SENP6: variants seen among roughly 807,000 people sequenced by gnomAD.
The protein encoded by SENP6 is sentrin-specific protease 6.
SENP6 carries 41 observed loss-of-function variants against 134.5 expected under a neutral mutation model. The ratio of observed to expected loss-of-function variants is 0.30; its 90% CI spans 0.24 to 0.40. The LOEUF (loss-of-function observed/expected upper bound fraction) is 0.40, where lower values mean the gene tolerates loss of function less well. Ranked by LOEUF, SENP6 falls within the 10% of genes least tolerant of loss-of-function variation. The pLI, the probability that SENP6 is intolerant of heterozygous loss-of-function variation, is 1.00. For missense variants in SENP6, 1,248 were observed against 1,312.5 expected, an observed-to-expected ratio of 0.95 and a Z score of 0.76; for synonymous variants, 395 against 429.8, an observed-to-expected ratio of 0.92 and a Z score of 1.00.
At chr6:75,639,582 A>G (rs1324794227) in intron 5 of SENP6, among the ~76,000 whole-genome samples, 1 of 152,082 alleles carries the variant, frequency 6.6e-6, no homozygotes, top group African/African-American at 2.4e-5. Context: ...TCCTTTTATA[A>G]TAAGGATAAA....
intron 9 of SENP6, among the ~76,000 whole-genome samples, chr6:75,664,227 T>TATA (rs1772013117): frequency 6.6e-6 from 1 of 151,486 alleles, no homozygotes; most frequent in South Asian, 2.1e-4. Flanking sequence ...GGAGTTGAAG[T>TATA]GTAGCCAGGG....
At chr6:75,673,319 CTTTTTTTT>C (rs373435139) in intron 11 of SENP6, among the ~76,000 whole-genome samples, 1 of 116,956 alleles carries the variant, frequency 8.6e-6, no homozygotes. Context: ...CCAATGTCTA[CTTTTTTTT>C]TTTTTTTTTT....
At chr6:75,666,156 TATGATATATATATAAAACGTATATATG>T (rs889008008) in intron 9 of SENP6, among the ~76,000 whole-genome samples, 3 of 143,276 alleles carry the variant, frequency 2.1e-5, no homozygotes, top group Admixed American at 7.5e-5. Flanking sequence ...ATAAAACATA[TATGATATATATATAAAACGTATATATG>T]ATATATATAA....
At chr6:75,669,870 C>G (rs530142236) in intron 10 of SENP6, among the ~76,000 whole-genome samples, 1 of 152,234 alleles carries the variant, frequency 6.6e-6, no homozygotes, top group South Asian at 2.1e-4. Context: ...AGTGGGTACT[C>G]TTACTCTGCA....
At chr6:75,686,700 C>T (rs911692814) in intron 16 of SENP6, among the ~76,000 whole-genome samples, 1 of 152,164 alleles carries the variant, frequency 6.6e-6, no homozygotes, top group African/African-American at 2.4e-5. Flanking sequence ...AAAATTCTTT[C>T]CTTTAAGAAT....
intron 6 of SENP6, among the ~76,000 whole-genome samples, chr6:75,645,790 TA>T (rs1770390705): frequency 6.6e-6 from 1 of 152,204 alleles, no homozygotes; most frequent in Admixed American, 6.5e-5. Context: ...TTATAATTTT[TA>T]AAAAACAGAA....
At position 75,670,563 on chromosome 6, in the gene SENP6, C is replaced by T; in HGVS notation, c.1235C>T (p.Ser412Phe). 3.8e-6 allele frequency: 6 copies of T among 1,599,468 alleles called. No individual in the cohort carries two copies. Among genetic ancestry groups the T allele is most frequent in the Non-Finnish European group, 4.3e-6 (5 of 1,173,024 alleles). Residue 412 changes from serine (S) to phenylalanine (F), a missense_variant, in exon 11 of 24, where the codon TCT becomes TTT. Transcript: ENST00000447266. The stretch of plus-strand genomic sequence containing the variant: ...TCTTTTCCTTTTTAGTTTGGCAATT[C>T]TATTATCAACACACCTCTGAAACGT... ...KARMKDQFGN[S>F]IINTPLKRRK...
At chr6:75,702,509 C>T (rs1192278103) in intron 18 of SENP6, 136 bp from the exon 19 acceptor site, 16 of 816,696 alleles carry the variant, frequency 2.0e-5, no homozygotes, top group Middle Eastern at 3.8e-4. Context: ...TGAGCTACTG[C>T]GCCCGGCCAG....
At chr6:75,627,747 C>T (rs1300896489) in intron 3 of SENP6, among the ~76,000 whole-genome samples, 2 of 152,146 alleles carry the variant, frequency 1.3e-5, no homozygotes, top group East Asian at 3.9e-4. Flanking sequence ...GTGATCTCAG[C>T]TCACTGCAAC....
intron 3 of SENP6, among the ~76,000 whole-genome samples, chr6:75,632,669 T>G (rs1336480246): frequency 6.7e-6 from 1 of 150,106 alleles, no homozygotes; most frequent in African/African-American, 2.4e-5. Context: ...CTCTTGATGC[T>G]GTGCTTGCAT....
intron 19 of SENP6, among the ~76,000 whole-genome samples, chr6:75,703,774 C>A (rs1404052477): frequency 1.3e-5 from 2 of 151,858 alleles, no homozygotes; most frequent in Non-Finnish European, 2.9e-5. Context: ...AATTAAAAAA[C>A]AAAAAAATTG....
chr6:75,706,022 C>A (rs1775387347), intron 19 of SENP6, among the ~76,000 whole-genome samples: 1 of 145,656 alleles, frequency 6.9e-6, no homozygotes, highest in East Asian at 2.0e-4. Flanking sequence ...CTGCAACCTC[C>A]CCCTCCTGGG....
At position 75,634,690 on chromosome 6, in the gene SENP6, G is replaced by A. The variant is rs557969144; in HGVS notation, c.354-17G>A. Reference sequence around the variant, plus strand: ...TTTTTCCGTGTTCAAGTTATTTTTTGTTTCTTGAATCTGCAGTGAAAATAC... The same window carrying A: ...TTTTTCCGTGTTCAAGTTATTTTTTATTTCTTGAATCTGCAGTGAAAATAC... On this transcript the variant is annotated splice_polypyrimidine_tract_variant and intron_variant, in intron 4 of 23. Transcript: ENST00000447266. 2.1e-6 allele frequency: 3 copies of A among 1,412,498 alleles called. No homozygotes were observed. The highest frequency in any genetic ancestry group is 2.9e-5 in the African/African-American group (2 of 69,304). 87.5% of individuals were successfully genotyped at this position (1,412,498 alleles called of 1,614,324 possible).
At chr6:75,659,490 A>T (rs778232014) in intron 8 of SENP6, 83 bp downstream of exon 8, 34 of 1,281,108 alleles carry the variant, frequency 2.7e-5, no homozygotes, top group Non-Finnish European at 3.7e-5. Flanking sequence ...ATTCTAGGTG[A>T]TCTTTTATCA....
chr6:75,676,892 G>A (rs531772227), intron 13 of SENP6, 138 bp from the exon 14 acceptor site: 2 of 585,292 alleles, frequency 3.4e-6, no homozygotes, highest in Non-Finnish European at 6.0e-6. Flanking sequence ...TGTATCCACT[G>A]TATGTCAGAC....
At chr6:75,712,145 C>T (rs1775787093) in intron 21 of SENP6, among the ~76,000 whole-genome samples, 1 of 152,148 alleles carries the variant, frequency 6.6e-6, no homozygotes, top group Non-Finnish European at 1.5e-5. Context: ...CAACTGAGAA[C>T]TCCAAATAAG....
chr6:75,647,755 A>G lies in SENP6; in HGVS notation c.504A>G (p.Gln168=), dbSNP rs1050537725. 20 of 1,612,556 alleles carry G rather than the reference A, an allele frequency of 1.2e-5. No homozygotes were observed. The African/African-American group carries it at 1.9e-4, about 15-fold the overall frequency. Residue 168 remains glutamine, a synonymous_variant, in exon 7 of 24, where the codon CAA becomes CAG. Coordinates refer to ENST00000447266, the MANE Select transcript of SENP6 (RefSeq NM_015571.4). ...GGAAAGAATACCCACCTCATGTCCAAAAAGTTGAAATTAATCCTGTAAGGT... is the reference window on the plus strand; with the variant it reads ...GGAAAGAATACCCACCTCATGTCCAGAAAGTTGAAATTAATCCTGTAAGGT... ...KERKEYPPHV[Q]KVEINPVRLS...
chr6:75,670,797 T>G (rs1772614913), intron 11 of SENP6, 77 bp downstream of exon 11: 5 of 702,556 alleles, frequency 7.1e-6, no homozygotes, highest in Non-Finnish European at 7.8e-6. Flanking sequence ...ATATAATATT[T>G]AAAATTTATA....
chr6:75,709,549 A>C lies in SENP6; in HGVS notation c.2739A>C (p.Leu913=). The C allele has an allele frequency of 6.2e-7, 1 of 1,613,872 alleles. No homozygotes were observed. Among genetic ancestry groups the C allele is most frequent in the Non-Finnish European group, 8.5e-7 (1 of 1,179,790 alleles). Residue 913 remains leucine, a synonymous_variant, in exon 20 of 24, where the codon CTA becomes CTC. Coordinates refer to ENST00000447266, the MANE Select transcript of SENP6 (RefSeq NM_015571.4). ...CAGATGGCTTAAGCAAAATCAGACT[A>C]AACTATAGCGATGAATCACCTGAAG... ...HHTDGLSKIR[L]NYSDESPEAG...
Sources: gnomAD v4.1 joint callset for allele counts (sites outside exome capture counted in the v4.1 genomes callset) on GRCh38, gnomAD v4.1.1 for gene constraint, MANE v1.5 for transcripts, NCBI Gene and HGNC (gene_info 2026-07-23, HGNC 2026-07-21) for gene names.